WDR72: variants seen among roughly 807,000 people sequenced by gnomAD.
WDR72 encodes WD repeat-containing protein 72.
In WDR72, 120 loss-of-function variants were observed where a neutral mutation model predicts 124.2. The ratio of observed to expected loss-of-function variants is 0.97; its 90% CI spans 0.83 to 1.12. WDR72 has a LOEUF of 1.12. Among genes scored for constraint, WDR72 ranks in the 50% most tolerant of loss-of-function variants. The pLI is 0.00. For synonymous variants in WDR72, 452 were observed against 441.7 expected, an observed-to-expected ratio of 1.02 and a Z score of -0.29; for missense variants, 1,387 against 1,278.8, an observed-to-expected ratio of 1.08 and a Z score of -1.29.
At chr15:53,761,008 A>T (rs1356839251), upstream of WDR72, among the ~76,000 whole-genome samples, 1 of 152,028 alleles carries the variant, frequency 6.6e-6, no homozygotes, top group East Asian at 1.9e-4. Context: ...CCTGTAGTCG[A>T]TGCTACTCCA....
At chr15:53,730,633 G>A (rs765885328) in intron 2 of WDR72, among the ~76,000 whole-genome samples, 2 of 152,046 alleles carry the variant, frequency 1.3e-5, no homozygotes, top group Non-Finnish European at 2.9e-5. Flanking sequence ...TCCCATGCCC[G>A]ACTTCCTTCT....
intron 14 of WDR72, among the ~76,000 whole-genome samples, chr15:53,649,803 T>TTGTG (rs1281011056): frequency 6.6e-6 from 1 of 152,146 alleles, no homozygotes; most frequent in Admixed American, 6.6e-5. Context: ...AGTCAGGTGT[T>TTGTG]TGTGAGGATG....
Position 53,665,657 on chromosome 15 carries a change from T to C in WDR72, c.1877A>G (p.His626Arg), listed in dbSNP as rs753687929. 16 of 1,613,920 alleles carry C rather than the reference T, an allele frequency of 9.9e-6. No homozygotes were observed. In the Admixed American group the frequency reaches 2.5e-4, roughly 25 times the overall value. ...VLPIASETLKHKSIEQRSSSP... is the reference protein window; with the variant it reads ...VLPIASETLKRKSIEQRSSSP... ...GGAGGATCTCTGTTCTATACTTTTG[T>C]GCTTAAGTGTCTCTGAGGCAATGGG... Residue 626 changes from histidine (H) to arginine (R), a missense_variant, in exon 14 of 20, where the codon CAC becomes CGC. Coordinates refer to ENST00000360509, the MANE Select transcript of WDR72 (RefSeq NM_182758.4).
intron 14 of WDR72, among the ~76,000 whole-genome samples, chr15:53,629,217 A>T (rs1055757205): frequency 1.3e-5 from 2 of 151,932 alleles, no homozygotes; most frequent in Admixed American, 6.6e-5. Flanking sequence ...AGAGAGTGAG[A>T]GAGAGAGAGA....
At chr15:53,718,847 T>C (rs113208823) in intron 3 of WDR72, among the ~76,000 whole-genome samples, 127 of 151,928 alleles carry the variant, frequency 8.4e-4, no homozygotes, top group African/African-American at 2.8e-3. Context: ...CTTAAGAATT[T>C]TTAAAAGCTT....
intron 14 of WDR72, among the ~76,000 whole-genome samples, chr15:53,628,819 TA>T (rs888523616): frequency 4.6e-5 from 7 of 151,118 alleles, no homozygotes; most frequent in African/African-American, 7.3e-5. Flanking sequence ...TTTTTTTAAT[TA>T]AAAAAAAACT....
At chr15:53,698,110 A>T (rs1174653668) in intron 13 of WDR72, among the ~76,000 whole-genome samples, 2 of 152,248 alleles carry the variant, frequency 1.3e-5, no homozygotes, top group African/African-American at 2.4e-5. Flanking sequence ...AAGAAATAAC[A>T]AAATTAAAAT....
At chr15:53,688,232 G>GA (rs1233515432) in intron 13 of WDR72, among the ~76,000 whole-genome samples, 2 of 150,170 alleles carry the variant, frequency 1.3e-5, no homozygotes, top group East Asian at 3.9e-4. Flanking sequence ...GCAGGAGAAG[G>GA]AAAGAAAGGG....
intron 18 of WDR72, among the ~76,000 whole-genome samples, chr15:53,533,981 G>A (rs570564155): frequency 6.6e-6 from 1 of 152,168 alleles, no homozygotes; most frequent in African/African-American, 2.4e-5. Context: ...CTACCCCACT[G>A]GGGTAGGGAA....
intron 14 of WDR72, among the ~76,000 whole-genome samples, chr15:53,625,658 G>A (rs370903047): frequency 1.5e-4 from 23 of 152,164 alleles, no homozygotes; most frequent in Admixed American, 7.9e-4. Context: ...AATCCCAGAT[G>A]GCTGGCAGGC....
chr15:53,581,428 G>A (rs768928383), intron 18 of WDR72, among the ~76,000 whole-genome samples: 2 of 151,990 alleles, frequency 1.3e-5, no homozygotes, highest in Admixed American at 1.3e-4. Flanking sequence ...AGTTTTCTCT[G>A]TTTTGCCAGT....
At chr15:53,700,490 G>A (rs2017138128) in intron 12 of WDR72, among the ~76,000 whole-genome samples, 1 of 152,112 alleles carries the variant, frequency 6.6e-6, no homozygotes, top group Non-Finnish European at 1.5e-5. Flanking sequence ...CAGCCTCAAA[G>A]ACATAAGGAC....
At chr15:53,631,068 C>G (rs556946794) in intron 14 of WDR72, among the ~76,000 whole-genome samples, 1 of 152,208 alleles carries the variant, frequency 6.6e-6, no homozygotes, top group East Asian at 1.9e-4. Context: ...TGTGTTCCTG[C>G]CCAAATCTCA....
chr15:53,543,181 C>A (rs1229267315), intron 18 of WDR72, among the ~76,000 whole-genome samples: 1 of 144,974 alleles, frequency 6.9e-6, no homozygotes, highest in Admixed American at 6.9e-5. Flanking sequence ...CCCAAATCAA[C>A]AGAATATACA....
chr15:53,605,849 G>C (rs2013259585), intron 17 of WDR72, among the ~76,000 whole-genome samples: 1 of 151,994 alleles, frequency 6.6e-6, no homozygotes, highest in African/African-American at 2.4e-5. Context: ...AAAAAAAAAA[G>C]ATAATAATAA....
Position 53,635,869 on chromosome 15 carries a change from T to C in WDR72, c.1963-19626A>G, listed in dbSNP as rs28477069. 2.7e-3 allele frequency among the ~76,000 whole-genome samples: 409 copies of C among 152,228 alleles called. 4 individuals carry two copies. The highest frequency in any genetic ancestry group is 9.3e-3 in the African/African-American group (388 of 41,540). ...AAGTTGAAAAATAAAAACAAAATGC[T>C]GCTGTTAATAAGACATGCCATTACA... On this transcript the variant is annotated intron_variant, in intron 14 of 19. Transcript: ENST00000360509.
chr15:53,639,953 C>T (rs1180968430), intron 14 of WDR72, among the ~76,000 whole-genome samples: 1 of 152,136 alleles, frequency 6.6e-6, no homozygotes, highest in Non-Finnish European at 1.5e-5. Flanking sequence ...AAAATTGAAT[C>T]ATATAATCAT....
chr15:53,739,336 T>C (rs1001897520), intron 1 of WDR72, among the ~76,000 whole-genome samples: 1 of 152,158 alleles, frequency 6.6e-6, no homozygotes, highest in Non-Finnish European at 1.5e-5. Flanking sequence ...TAAGAGCAAA[T>C]TGGCCTACAT....
At chr15:53,647,682 C>G (rs2015090270) in intron 14 of WDR72, among the ~76,000 whole-genome samples, 1 of 152,098 alleles carries the variant, frequency 6.6e-6, no homozygotes. Context: ...GCAGAGACCC[C>G]TTCTGACCCC....
Sources: gnomAD v4.1 joint callset for allele counts (sites outside exome capture counted in the v4.1 genomes callset) on GRCh38, gnomAD v4.1.1 for gene constraint, MANE v1.5 for transcripts, NCBI Gene and HGNC (gene_info 2026-07-23, HGNC 2026-07-21) for gene names.